MMP21: variants seen among roughly 807,000 people sequenced by gnomAD.
MMP21 encodes matrix metallopeptidase 21.
A neutral mutation model predicts 47.8 loss-of-function variants in MMP21; 40 were observed. That is an observed-to-expected ratio of 0.84 (90% CI 0.65 to 1.09). The LOEUF (loss-of-function observed/expected upper bound fraction) is 1.09, where lower values mean the gene tolerates loss of function less well. Among genes scored for constraint, MMP21 ranks in the 50% least tolerant of loss-of-function variants. The pLI, the probability that MMP21 is intolerant of heterozygous loss-of-function variation, is 0.00. For synonymous variants in MMP21, 341 were observed against 318.0 expected (o/e 1.07, Z -0.77); for missense variants, 747 against 775.3 (o/e 0.96, Z 0.43).
chr10:125,774,300 C>A lies in MMP21; in HGVS notation c.228G>T (p.Pro76=), dbSNP rs1478754262. 15 of 1,416,712 alleles carry A rather than the reference C, an allele frequency of 1.1e-5. No individual in the cohort carries two copies. Among genetic ancestry groups the A allele is most frequent in the Non-Finnish European group, 1.2e-5 (13 of 1,093,406 alleles). 87.8% of individuals were successfully genotyped at this position (1,416,712 alleles called of 1,614,324 possible). A position where few individuals can be genotyped will look rare whatever the true frequency, so the allele number is the denominator to read the frequency against. The part of the protein sequence containing the change: ...WAAWGPSPEG[P]PETPKGAALA... ...GGGCGGCGCCCTTGGGGGTCTCCGG[C>A]GGCCCCTCGGGACTGGGCCCCCAGG... The change falls in exon 2 of 7, where the codon CCG becomes CCT. Residue 76 remains proline (P), a synonymous_variant. Coordinates refer to ENST00000368808, the MANE Select transcript of MMP21 (RefSeq NM_147191.1).
Position 125,775,764 on chromosome 10 carries a change from A to T in MMP21, c.58T>A (p.Trp20Arg). 1 of 1,613,454 alleles carries T rather than the reference A, an allele frequency of 6.2e-7. No homozygotes were observed. The highest frequency in any genetic ancestry group is 1.1e-5 in the South Asian group (1 of 90,992). ...TLLLCWLAAP[W>R]PTQPESLFHS... Reference sequence around the variant, plus strand: ...AAGAGACTCTCGGGCTGGGTGGGCCAGGGAGCAGCCAGCCAGCAGAGCAGC... The same window carrying T: ...AAGAGACTCTCGGGCTGGGTGGGCCTGGGAGCAGCCAGCCAGCAGAGCAGC... Residue 20 changes from tryptophan to arginine, a missense_variant, in exon 1 of 7, where the codon TGG becomes AGG. Transcript: ENST00000368808.
rs1850478181 is a variant in MMP21, at chr10:125,773,655, A to T, written c.697+176T>A. Among the ~76,000 whole-genome samples, 1 of 152,012 alleles carries T rather than the reference A, an allele frequency of 6.6e-6. No individual in the cohort carries two copies. Among genetic ancestry groups the T allele is most frequent in the Non-Finnish European group, 1.5e-5 (1 of 68,002 alleles). The stretch of plus-strand genomic sequence containing the variant: ...ACACCAGGCTATCTGCAGGGTGACC[A>T]TGATTCCGACAAGACGACGCTGACC... On this transcript the variant is annotated intron_variant, in intron 2 of 6. Transcript: ENST00000368808. The surrounding 1 kb of genome is among the most constrained non-coding windows in gnomAD (Gnocchi z 4.8).
rs113032420 is a variant in MMP21 at position 125,772,695 on chromosome 10, G to A, written c.753C>T (p.His251=). Residue 251 remains histidine, a synonymous_variant, in exon 3 of 7, where the codon CAC becomes CAT. Transcript: ENST00000368808. The surrounding 1 kb of genome is among the most constrained non-coding windows in gnomAD (Gnocchi z 5.6). ...AFDGSGQEFA[H]AWRLGDIHFD... is the part of the protein sequence containing the mutation. Reference sequence around the variant, plus strand: ...AGTGAATGTCACCTAGGCGCCAGGCGTGTGCAAACTCCTGCCCGCTCCCAT... The same window carrying A: ...AGTGAATGTCACCTAGGCGCCAGGCATGTGCAAACTCCTGCCCGCTCCCAT... 2.8e-4 allele frequency: 444 copies of A among 1,614,212 alleles called. No individual in the cohort carries two copies. Among genetic ancestry groups the A allele is most frequent in the South Asian group, 1.3e-3 (122 of 91,080 alleles).
chr10:125,771,151 C>A (rs1322005599), intron 4 of MMP21, among the ~76,000 whole-genome samples: 1 of 152,196 alleles, frequency 6.6e-6, no homozygotes, highest in Non-Finnish European at 1.5e-5. Context: ...CCAGGCCACT[C>A]TCAGAAGCAT....
chr10:125,770,306 A>G, intron 5 of MMP21, 28 bp downstream of exon 5: 1 of 1,612,238 alleles, frequency 6.2e-7, no homozygotes. Flanking sequence ...TAATGAGAGA[A>G]ATAGAACCAT....
chr10:125,774,715 A>G (rs1257964351), intron 1 of MMP21, among the ~76,000 whole-genome samples: 1 of 152,008 alleles, frequency 6.6e-6, no homozygotes. Context: ...GGGGTGGGCG[A>G]GTGCCGGGAG....
intron 6 of MMP21, 139 bp downstream of exon 6, chr10:125,767,393 T>C: frequency 1.3e-6 from 1 of 773,000 alleles, no homozygotes; most frequent in Non-Finnish European, 2.0e-6. Flanking sequence ...CCGCCCACCT[T>C]GGCCTCCCAA....
At position 125,774,172 on chromosome 10, in the gene MMP21, AC is replaced by A; in HGVS notation, c.355del (p.Val119SerfsTer58). 4 of 1,275,154 alleles carry A rather than the reference AC, an allele frequency of 3.1e-6. No individual in the cohort carries two copies. The highest frequency in any genetic ancestry group is 3.9e-6 in the Non-Finnish European group (4 of 1,014,794). The allele number at this position is 1,275,154 out of a possible 1,614,324, so 79.0% of individuals were successfully genotyped here. A position where few individuals can be genotyped will look rare whatever the true frequency, so the allele number is the denominator to read the frequency against. On this transcript the variant is annotated frameshift_variant, in exon 2 of 7. Coordinates refer to ENST00000368808, the MANE Select transcript of MMP21 (RefSeq NM_147191.1). LOFTEE classifies it high-confidence loss of function. ...LAAMNRPRCG[V>X]PDMRPPPPSA... ...GGGGGGCGGTGGGCGCATGTCCGGG[AC>A]CCCGCAGCGCGGCCGGTTCATGGCC...
Position 125,772,025 on chromosome 10 carries a change from G to A in MMP21, c.979+193C>T, listed in dbSNP as rs931725575. On this transcript the variant is annotated intron_variant, in intron 4 of 6. Transcript: ENST00000368808. This position sits in a 1 kb window ranked among gnomAD's most constrained non-coding sequence, Gnocchi z 5.6. ...GAGGACACAGGAGGGACTGGCTGTC[G>A]ACTGGGCAAAACCACTTTTTAACTG... Among the ~76,000 whole-genome samples, 4 of 152,148 alleles carry A rather than the reference G, an allele frequency of 2.6e-5. No homozygotes were observed. The highest frequency in any genetic ancestry group is 6.5e-5 in the Admixed American group (1 of 15,284).
At chr10:125,774,393 G>A (rs1457263476) in intron 1 of MMP21, 28 bp from the exon 2 acceptor site, 1 of 1,316,808 alleles carries the variant, frequency 7.6e-7, no homozygotes, top group Middle Eastern at 2.5e-4. Flanking sequence ...ACCCTAATCT[G>A]GGCCGCCTCG....
Position 125,770,509 on chromosome 10 carries a change from A to G in MMP21, c.1062T>C (p.Phe354=), listed in dbSNP as rs748396381. Reference sequence around the variant, plus strand: ...AGCTGTTACGGAAGAAATATGTGCTAAATCTCACCATCACCTCTCCATATT... The same window carrying G: ...AGCTGTTACGGAAGAAATATGTGCTGAATCTCACCATCACCTCTCCATATT... The part of the protein sequence containing the change: ...RNQYGEVMVR[F]STYFFRNSWY... The change falls in exon 5 of 7, where the codon TTT becomes TTC. Residue 354 remains phenylalanine (F), a synonymous_variant. Coordinates refer to ENST00000368808, the MANE Select transcript of MMP21 (RefSeq NM_147191.1). 1.9e-6 allele frequency: 3 copies of G among 1,614,192 alleles called. No homozygotes were observed. Among genetic ancestry groups the G allele is most frequent in the Non-Finnish European group, 2.5e-6 (3 of 1,180,036 alleles).
Position 125,772,461 on chromosome 10 carries a change from G to C in MMP21, c.838-102C>G, listed in dbSNP as rs1850459540. On this transcript the variant is annotated intron_variant, in intron 3 of 6. Transcript: ENST00000368808. This position sits in a 1 kb window ranked among gnomAD's most constrained non-coding sequence, Gnocchi z 5.6. ...CTTCGAGAGGAGCGTTGCTTGTGAA[G>C]AGGGGAGCACCGGTGGAACTGGGGA... 3 of 1,573,230 alleles carry C rather than the reference G, an allele frequency of 1.9e-6. No individual in the cohort carries two copies. Among genetic ancestry groups the C allele is most frequent in the Admixed American group, 3.4e-5 (2 of 58,774 alleles).
At chr10:125,774,794 C>T (rs960232076) in intron 1 of MMP21, among the ~76,000 whole-genome samples, 2 of 152,062 alleles carry the variant, frequency 1.3e-5, no homozygotes, top group African/African-American at 4.8e-5. Flanking sequence ...CAGGGCAGGT[C>T]GTGCGGGGCA....
intron 1 of MMP21, among the ~76,000 whole-genome samples, chr10:125,774,975 C>A (rs1022407688): frequency 6.6e-6 from 1 of 152,182 alleles, no homozygotes; most frequent in Admixed American, 6.5e-5. Context: ...GGCCTCCACG[C>A]GGCTGCGGGC....
rs1227088628 is a variant in MMP21 at position 125,773,158 on chromosome 10, C to T, written c.698-408G>A. On this transcript the variant is annotated intron_variant, in intron 2 of 6. Transcript: ENST00000368808. The surrounding 1 kb of genome is among the most constrained non-coding windows in gnomAD (Gnocchi z 4.8). ...TGTCCCTATACTTCTCACCCTGGGA[C>T]ATTAACCCAGTGAGACCAGAAGACA... is the stretch of plus-strand genomic sequence containing the variant. 2.6e-5 allele frequency among the ~76,000 whole-genome samples: 4 copies of T among 152,210 alleles called. No individual in the cohort carries two copies. Among genetic ancestry groups the T allele is most frequent in the Non-Finnish European group, 5.9e-5 (4 of 68,038 alleles).
At chr10:125,767,499 A>G in intron 6 of MMP21, 33 bp downstream of exon 6, 1 of 1,592,890 alleles carries the variant, frequency 6.3e-7, no homozygotes, top group Non-Finnish European at 8.6e-7. Flanking sequence ...GGGATGACAG[A>G]AGCATTGCTA....
chr10:125,774,976 G>A (rs574385275), intron 1 of MMP21, among the ~76,000 whole-genome samples: 7 of 152,314 alleles, frequency 4.6e-5, no homozygotes, highest in African/African-American at 1.4e-4. Flanking sequence ...GCCTCCACGC[G>A]GCTGCGGGCC....
rs1160154008 is a variant in MMP21 at position 125,772,385 on chromosome 10, G to T, written c.838-26C>A. ...CTAGAAGGGGACACACACCATGGGT[G>T]CTGGGTGAAGCCTGGGCGATGGATC... is the stretch of plus-strand genomic sequence containing the variant. On this transcript the variant is annotated intron_variant, in intron 3 of 6. Transcript: ENST00000368808. This position sits in a 1 kb window ranked among gnomAD's most constrained non-coding sequence, Gnocchi z 5.6. 1.2e-6 allele frequency: 2 copies of T among 1,613,388 alleles called. No homozygotes were observed. The highest frequency in any genetic ancestry group is 1.3e-5 in the African/African-American group (1 of 75,038).
Position 125,772,449 on chromosome 10 carries a change from G to C in MMP21, c.838-90C>G. Reference sequence around the variant, plus strand: ...CGCAGGCCTGTGCTTCGAGAGGAGCGTTGCTTGTGAAGAGGGGAGCACCGG... The same window carrying C: ...CGCAGGCCTGTGCTTCGAGAGGAGCCTTGCTTGTGAAGAGGGGAGCACCGG... On this transcript the variant is annotated intron_variant, in intron 3 of 6. Coordinates refer to ENST00000368808, the MANE Select transcript of MMP21 (RefSeq NM_147191.1). The surrounding 1 kb of genome is among the most constrained non-coding windows in gnomAD (Gnocchi z 5.6). 6.3e-7 allele frequency: 1 copy of C among 1,580,586 alleles called. No individual in the cohort carries two copies. The highest frequency in any genetic ancestry group is 1.1e-5 in the South Asian group (1 of 87,412).
Sources: allele counts gnomAD v4.1 joint callset (sites outside exome capture counted in the v4.1 genomes callset), GRCh38; gene constraint gnomAD v4.1.1; non-coding constraint Gnocchi (gnomAD v3.1); transcripts MANE v1.5; gene names NCBI Gene and HGNC (gene_info 2026-07-23, HGNC 2026-07-21).